Variants in FAM13B observed in about 807,000 individuals in gnomAD.
FAM13B encodes protein FAM13B.
FAM13B carries 60 observed loss-of-function variants against 117.3 expected under a neutral mutation model. The observed-to-expected ratio is 0.51, with a 90% confidence interval of 0.42 to 0.63. FAM13B has a LOEUF of 0.63. Among genes scored for constraint, FAM13B ranks in the 30% least tolerant of loss-of-function variants. The pLI is 0.00. For synonymous variants in FAM13B, 332 were observed against 356.1 expected (o/e 0.93, Z 0.76); for missense variants, 972 against 1,091.9 (o/e 0.89, Z 1.55).
intron 10 of FAM13B, among the ~76,000 whole-genome samples, chr5:137,980,272 T>G (rs7731066): frequency 0.74 from 112,005 of 151,736 alleles, 41,998 homozygotes; most frequent in East Asian, 0.97. Flanking sequence ...CTGAACTAAC[T>G]TATTCAAATA....
intron 1 of FAM13B, among the ~76,000 whole-genome samples, chr5:138,048,737 T>A (rs577981014): frequency 5.9e-5 from 9 of 152,316 alleles, no homozygotes; most frequent in African/African-American, 2.2e-4. Flanking sequence ...GGGTTTGTTT[T>A]TCATAATTAT....
intron 1 of FAM13B, among the ~76,000 whole-genome samples, chr5:138,050,490 C>A (rs908889451): frequency 8.5e-5 from 13 of 152,058 alleles, no homozygotes; most frequent in Admixed American, 5.2e-4. Flanking sequence ...GACATGCCAA[C>A]CTGAAAGGAA....
At chr5:138,010,560 T>C (rs1209795304) in intron 6 of FAM13B, among the ~76,000 whole-genome samples, 1 of 152,234 alleles carries the variant, frequency 6.6e-6, no homozygotes, top group Non-Finnish European at 1.5e-5. Context: ...ATCCAGATGC[T>C]TCCCATTAGT....
chr5:137,964,038 G>A (rs970680857), intron 10 of FAM13B, among the ~76,000 whole-genome samples: 1 of 152,006 alleles, frequency 6.6e-6, no homozygotes, highest in Admixed American at 6.6e-5. Flanking sequence ...CCATTACCCA[G>A]ACCAAATATT....
chr5:138,024,909 C>CA (rs1787875168), intron 1 of FAM13B, among the ~76,000 whole-genome samples: 1 of 151,342 alleles, frequency 6.6e-6, no homozygotes, highest in African/African-American at 2.4e-5. Context: ...CTTACTCTGT[C>CA]ACCCAGGCTA....
Position 137,948,987 on chromosome 5 carries a change from G to A in FAM13B, c.2128C>T (p.Arg710Cys), listed in dbSNP as rs1015248554. The A allele has an allele frequency of 1.1e-5, 18 of 1,613,592 alleles. No homozygotes were observed. The highest frequency in any genetic ancestry group is 4.0e-5 in the African/African-American group (3 of 74,880). ...ELILKRLKEKRIERCLPEDIK... is the reference protein window; with the variant it reads ...ELILKRLKEKCIERCLPEDIK... ...TCTTCTGGAAGACACCTCTCAATAC[G>A]TTTTTCTTTCAGTCTTTTAAGAATA... The change falls in exon 18 of 24, where the codon CGT becomes TGT. Residue 710 changes from arginine to cysteine, a missense_variant. By Grantham distance (180) the Arg-to-Cys change is radical. Transcript: ENST00000689681.
intron 10 of FAM13B, among the ~76,000 whole-genome samples, chr5:137,971,796 C>A (rs562905970): frequency 0.038 from 5,781 of 151,148 alleles, 134 homozygotes; most frequent in Middle Eastern, 0.058. Flanking sequence ...ACCAATCCCA[C>A]AGAAATACAA....
chr5:138,045,670 C>T (rs1229913198), intron 1 of FAM13B, among the ~76,000 whole-genome samples: 1 of 151,918 alleles, frequency 6.6e-6, no homozygotes, highest in Non-Finnish European at 1.5e-5. Flanking sequence ...CAAAATCAGA[C>T]AAAACTAGTC....
intron 13 of FAM13B, 34 bp from the exon 14 acceptor site, chr5:137,956,576 A>T: frequency 6.7e-7 from 1 of 1,493,806 alleles, no homozygotes; most frequent in South Asian, 1.2e-5. Context: ...AAAAATACTA[A>T]AGTGAACACA....
chr5:137,943,341 CT>C, intron 20 of FAM13B, 125 bp from the exon 21 acceptor site: 1 of 720,070 alleles, frequency 1.4e-6, no homozygotes, highest in Non-Finnish European at 2.2e-6. Context: ...TGCTTTAAAT[CT>C]TTTTAGGAAT....
At chr5:138,004,275 A>G (rs1158111093) in intron 7 of FAM13B, among the ~76,000 whole-genome samples, 2 of 152,112 alleles carry the variant, frequency 1.3e-5, no homozygotes, top group Admixed American at 6.5e-5. Context: ...TCTCAAAAAA[A>G]AAAACAAAAC....
chr5:137,979,137 C>A (rs1233133426), intron 10 of FAM13B, among the ~76,000 whole-genome samples: 5 of 151,914 alleles, frequency 3.3e-5, no homozygotes, highest in African/African-American at 1.2e-4. Context: ...CTCAGCCTCC[C>A]GAGTAGCTGG....
chr5:138,051,467 T>C (rs1344569075), intron 1 of FAM13B, among the ~76,000 whole-genome samples: 1 of 152,230 alleles, frequency 6.6e-6, no homozygotes, highest in South Asian at 2.1e-4. Flanking sequence ...TTTATGTATA[T>C]TTTTAGCCAA....
chr5:137,942,989 A>G lies in FAM13B; in HGVS notation c.2474T>C (p.Leu825Ser), dbSNP rs1246278625. The G allele has an allele frequency of 1.2e-6, 2 of 1,613,566 alleles. No homozygotes were observed. Among genetic ancestry groups the G allele is most frequent in the South Asian group, 2.2e-5 (2 of 90,908 alleles). ...VNLSSELGDM[L>S]KTAVQVQSSL... ...AGACTGTACCTGTACTGCAGTTTTC[A>G]ACATATCACCTAACTCAGAGGACAG... Residue 825 changes from leucine to serine, a missense_variant, in exon 22 of 24, where the codon TTG becomes TCG. Physicochemically the swap from Leu to Ser is moderately radical, Grantham distance 145. Coordinates refer to ENST00000689681, the MANE Select transcript of FAM13B (RefSeq NM_001385994.1).
intron 2 of FAM13B, 101 bp from the exon 3 acceptor site, chr5:138,019,247 A>C (rs78944177): frequency 1.7e-5 from 17 of 1,000,202 alleles, no homozygotes; most frequent in Non-Finnish European, 2.2e-5. Context: ...ATGTGTTCTC[A>C]TCTATTTAAA....
At position 137,956,759 on chromosome 5, in the gene FAM13B, G is replaced by C. The variant is rs575239184; in HGVS notation, c.1442-217C>G. 2.0e-5 allele frequency among the ~76,000 whole-genome samples: 3 copies of C among 150,708 alleles called. No individual in the cohort carries two copies. In the South Asian group the frequency reaches 6.3e-4, roughly 32 times the overall value. On this transcript the variant is annotated intron_variant, in intron 13 of 23. Coordinates refer to ENST00000689681, the MANE Select transcript of FAM13B (RefSeq NM_001385994.1). ...CATTTCAGCAAGCAATGCAAAAAAG[G>C]GGGGGGAAAACTCAAAGTCGTGCTA...
intron 2 of FAM13B, among the ~76,000 whole-genome samples, chr5:138,020,423 T>A (rs1786423170): frequency 6.6e-6 from 1 of 152,142 alleles, no homozygotes; most frequent in South Asian, 2.1e-4. Context: ...TCAGAAGAAA[T>A]AGTTATTTGT....
intron 1 of FAM13B, among the ~76,000 whole-genome samples, chr5:138,044,307 T>A (rs1791581675): frequency 6.6e-6 from 1 of 152,168 alleles, no homozygotes; most frequent in Non-Finnish European, 1.5e-5. Flanking sequence ...TTCCCAGCAC[T>A]TTGGGAGGCC....
rs1361033578 is a variant in FAM13B, at chr5:138,019,014, T to C, written c.98A>G (p.His33Arg). ...IPLDELQQGG[H>R]PDNEVPFIVR... ...TATGAATGGAACCTCATTGTCTGGA[T>C]GTCCTCCCTGCTGCAGCTCATCAAG... The change falls in exon 3 of 24, where the codon CAT becomes CGT. Residue 33 changes from histidine (H) to arginine (R), a missense_variant. Coordinates refer to ENST00000689681, the MANE Select transcript of FAM13B (RefSeq NM_001385994.1). The C allele has an allele frequency of 1.2e-6, 2 of 1,614,194 alleles. No homozygotes were observed. The highest frequency in any genetic ancestry group is 1.7e-6 in the Non-Finnish European group (2 of 1,180,022).
Sources: gnomAD v4.1 joint callset for allele counts (sites outside exome capture counted in the v4.1 genomes callset) on GRCh38, gnomAD v4.1.1 for gene constraint, MANE v1.5 for transcripts, NCBI Gene and HGNC (gene_info 2026-07-23, HGNC 2026-07-21) for gene names.